The following PARP9 variants were observed in gnomAD, a reference collection of about 807,000 sequenced individuals.
PARP9 encodes the protein poly(ADP-ribose) polymerase family member 9, also known as protein mono-ADP-ribosyltransferase PARP9.
Under a neutral mutation model 68.8 loss-of-function variants are expected in PARP9, and 48 were observed. That is an observed-to-expected ratio of 0.70 (90% CI 0.55 to 0.89). The LOEUF is 0.89. PARP9 is among the 40% of genes least tolerant of loss of function. The pLI, the probability that PARP9 is intolerant of heterozygous loss-of-function variation, is 0.00. For synonymous variants in PARP9, 309 were observed against 333.8 expected (o/e 0.93, Z 0.81); for missense variants, 806 against 969.3 (o/e 0.83, Z 2.24).
chr3:122,539,351 G>C (rs143045000), intron 8 of PARP9, among the ~76,000 whole-genome samples: 24 of 152,212 alleles, frequency 1.6e-4, no homozygotes, highest in African/African-American at 5.8e-4. Context: ...CTGTGTGCTC[G>C]TCAAGGTCCC....
intron 10 of PARP9, chr3:122,535,700 T>C: frequency 1.0e-6 from 1 of 990,316 alleles, no homozygotes; most frequent in African/African-American, 1.7e-5. Flanking sequence ...AAATGATACC[T>C]AATTCATTCA....
intron 2 of PARP9, 84 bp from the exon 3 acceptor site, chr3:122,558,551 C>A: frequency 1.3e-6 from 2 of 1,501,982 alleles, no homozygotes; most frequent in Non-Finnish European, 1.8e-6. Flanking sequence ...CTAGTAAACA[C>A]AATGCAATGG....
upstream of PARP9, chr3:122,564,475 A>G: frequency 6.2e-7 from 1 of 1,612,778 alleles, no homozygotes; most frequent in Non-Finnish European, 8.5e-7. Context: ...GCGGGTGTAC[A>G]AGTCCGGCCC....
chr3:122,529,672 T>A (rs1317515055), intron 10 of PARP9, among the ~76,000 whole-genome samples: 1 of 148,946 alleles, frequency 6.7e-6, no homozygotes, highest in South Asian at 2.1e-4. Context: ...GAGAATGGCA[T>A]GAACCCGGGA....
chr3:122,532,306 G>A, intron 10 of PARP9: 1 of 985,288 alleles, frequency 1.0e-6, no homozygotes, highest in Non-Finnish European at 1.2e-6. Context: ...ACCTGAGTGT[G>A]AAAGGCACAG....
intron 8 of PARP9, among the ~76,000 whole-genome samples, chr3:122,538,617 G>A (rs1422401864): frequency 1.3e-5 from 2 of 151,526 alleles, no homozygotes; most frequent in Non-Finnish European, 2.9e-5. Flanking sequence ...ATAGCTGGGA[G>A]CATTGGCCCA....
At chr3:122,533,895 C>A in intron 10 of PARP9, 1 of 985,428 alleles carries the variant, frequency 1.0e-6, no homozygotes, top group African/African-American at 1.7e-5. Flanking sequence ...GAATATTGCA[C>A]GGCTGAAAAA....
intron 7 of PARP9, among the ~76,000 whole-genome samples, chr3:122,543,969 G>T (rs935346545): frequency 2.6e-5 from 4 of 152,158 alleles, no homozygotes; most frequent in Non-Finnish European, 5.9e-5. Context: ...ACAGATGTCC[G>T]CAAGAATTAC....
chr3:122,559,298 T>G (rs1306643633), intron 2 of PARP9, among the ~76,000 whole-genome samples: 6 of 152,248 alleles, frequency 3.9e-5, no homozygotes, highest in Admixed American at 3.9e-4. Context: ...TCTTTCTCTA[T>G]TCCCTTCTTT....
intron 4 of PARP9, among the ~76,000 whole-genome samples, 189 bp from the exon 5 acceptor site, chr3:122,552,828 C>A (rs985698841): frequency 6.6e-6 from 1 of 152,030 alleles, no homozygotes; most frequent in African/African-American, 2.4e-5. Context: ...ATGAACGAAG[C>A]TGAATTACAT....
intron 10 of PARP9, chr3:122,532,118 G>A (rs927375742): frequency 1.0e-6 from 1 of 980,822 alleles, no homozygotes; most frequent in African/African-American, 1.8e-5. Flanking sequence ...CCTGAGTGGA[G>A]AGTGGCAATG....
chr3:122,559,855 G>A (rs1426030836), intron 1 of PARP9, 146 bp from the exon 2 acceptor site: 4 of 405,234 alleles, frequency 9.9e-6, no homozygotes, highest in African/African-American at 4.1e-5. Flanking sequence ...TTGTTTTGCT[G>A]TTGTTGTTAC....
At chr3:122,546,054 A>C (rs1287457678) in intron 6 of PARP9, 1 of 152,472 alleles carries the variant, frequency 6.6e-6, no homozygotes, top group African/African-American at 2.4e-5. Flanking sequence ...ATTGCAACAC[A>C]GATCCATTAA....
chr3:122,536,663 T>C (rs563035463), intron 9 of PARP9: 5 of 540,162 alleles, frequency 9.3e-6, no homozygotes, highest in African/African-American at 5.7e-5. Context: ...GTGTGATAAA[T>C]GCTATTCCAC....
In PARP9 at chr3:122,536,944, T is replaced by G; in HGVS notation, c.1895A>C (p.Gln632Pro). The change falls in exon 9 of 11, where the codon CAG (glutamine) becomes CCG (proline). Residue 632 changes from glutamine to proline, a missense_variant. Physicochemically the swap from Gln to Pro is moderately conservative, Grantham distance 76 (BLOSUM62 -1). This residue lies in a region of PARP9 where 680 missense variants were observed against 858.8 expected (regional missense o/e 0.79). Transcript: ENST00000682323. ...QKKQFEKCGLQVLKVEKIDNE... is the reference protein window; with the variant it reads ...QKKQFEKCGLPVLKVEKIDNE... ...CTTTGTTAGGTATACCTTTAGAACC[T>G]GCAAACCACATTTTTCAAACTGTTT... The G allele has an allele frequency of 1.9e-6, 3 of 1,612,752 alleles. No individual in the cohort carries two copies. Among genetic ancestry groups the G allele is most frequent in the Non-Finnish European group, 2.5e-6 (3 of 1,179,654 alleles).
At chr3:122,555,261 C>G (rs957790142) in intron 4 of PARP9, 25 bp downstream of exon 4, 3 of 1,575,850 alleles carry the variant, frequency 1.9e-6, no homozygotes, top group South Asian at 1.2e-5. Flanking sequence ...TGTGCCAGTG[C>G]AAGAGAATAG....
chr3:122,550,478 C>T, intron 6 of PARP9, 106 bp downstream of exon 6: 2 of 941,226 alleles, frequency 2.1e-6, no homozygotes, highest in South Asian at 1.6e-5. Flanking sequence ...CTGTACAGCA[C>T]CTAGCCCTGC....
intron 5 of PARP9, 76 bp from the exon 6 acceptor site, chr3:122,550,878 ATT>A: frequency 7.6e-7 from 1 of 1,308,540 alleles, no homozygotes. Context: ...TCCTGCCCAT[ATT>A]TTACAATGTC....
Position 122,528,382 on chromosome 3 carries a change from A to C in PARP9, c.2442T>G (p.Ser814Arg). The C allele has an allele frequency of 6.2e-7, 1 of 1,613,582 alleles. No individual in the cohort carries two copies. Among genetic ancestry groups the C allele is most frequent in the Admixed American group, 1.7e-5 (1 of 60,012 alleles). Residue 814 changes from serine to arginine, a missense_variant, in exon 11 of 11, where the codon AGT (serine) becomes AGG (arginine). This residue lies in a region of PARP9 where 680 missense variants were observed against 858.8 expected (regional missense o/e 0.79). Coordinates refer to ENST00000682323, the MANE Select transcript of PARP9 (RefSeq NM_001146105.2). The part of the protein sequence containing the change: ...FAQHPWRGFA[S>R]GSPVD ...GTAGAGATTAATCAACAGGGCTGCC[A>C]CTTGCGAATCCCCTCCAAGGATGCT...
Sources: gnomAD v4.1 joint callset for allele counts (sites outside exome capture counted in the v4.1 genomes callset) on GRCh38, gnomAD v4.1.1 for gene constraint, gnomAD v4.1.1 regional missense constraint, MANE v1.5 for transcripts, NCBI Gene and HGNC (gene_info 2026-07-23, HGNC 2026-07-21) for gene names.